DCAF6: variants seen among roughly 807,000 people sequenced by gnomAD.
The protein encoded by DCAF6 is DDB1- and CUL4-associated factor 6.
Under a neutral mutation model 125.1 loss-of-function variants are expected in DCAF6, and 54 were observed. The observed-to-expected ratio is 0.43, with a 90% CI of 0.35 to 0.54. The LOEUF is 0.54. DCAF6 is among the 20% of genes least tolerant of loss of function. The probability of loss-of-function intolerance (pLI) is 0.01; values close to 1 mark genes in which losing one functional copy is unlikely to be tolerated. For missense variants in DCAF6, 934 were observed against 1,161.7 expected (o/e 0.80, Z 2.85); for synonymous variants, 371 against 390.4 (o/e 0.95, Z 0.58).
At chr1:168,043,285 A>G in intron 14 of DCAF6, 145 bp downstream of exon 14, 2 of 636,696 alleles carry the variant, frequency 3.1e-6, no homozygotes, top group East Asian at 2.8e-5. Context: ...ACTGATAGAT[A>G]GCAAATCCAA....
the DCAF6 span, chr1:167,880,609 C>G: frequency 6.2e-7 from 1 of 1,607,786 alleles, no homozygotes; most frequent in African/African-American, 1.3e-5. Flanking sequence ...AAAGAGCAGC[C>G]CTGTGAGGGA....
chr1:167,918,400 T>C, the DCAF6 span: 10 of 1,298,616 alleles, frequency 7.7e-6, no homozygotes, highest in Admixed American at 1.9e-5. Context: ...TCAATAATAA[T>C]AGACAAATTT....
chr1:167,951,690 A>G, intron 1 of DCAF6, 110 bp from the exon 2 acceptor site: 4 of 687,884 alleles, frequency 5.8e-6, no homozygotes, highest in Non-Finnish European at 1.0e-5. Flanking sequence ...TGGAGCTGAA[A>G]TTAGAGCATG....
intron 3 of DCAF6, chr1:167,969,377 A>G (rs1482500976): frequency 2.0e-5 from 3 of 152,180 alleles, no homozygotes; most frequent in Non-Finnish European, 2.9e-5. Context: ...TTCATGATAT[A>G]CAATTCGATA....
chr1:167,939,566 G>A (rs774285503), intron 1 of DCAF6, among the ~76,000 whole-genome samples: 19 of 152,086 alleles, frequency 1.2e-4, no homozygotes, highest in Non-Finnish European at 1.5e-4. Context: ...GTTTGAGACC[G>A]GCCTGGCCAA....
At chr1:167,948,532 G>A (rs893926724) in intron 1 of DCAF6, among the ~76,000 whole-genome samples, 12 of 152,136 alleles carry the variant, frequency 7.9e-5, no homozygotes, top group Admixed American at 3.9e-4. Context: ...AAAGGAGATA[G>A]GTATGTGAAT....
At chr1:167,949,482 G>A (rs558556775) in intron 1 of DCAF6, among the ~76,000 whole-genome samples, 1 of 152,174 alleles carries the variant, frequency 6.6e-6, no homozygotes, top group Admixed American at 6.6e-5. Context: ...GGTCGGGCAG[G>A]TTTGCTTGAT....
chr1:167,963,941 A>G (rs186416760), intron 2 of DCAF6, among the ~76,000 whole-genome samples: 67 of 152,284 alleles, frequency 4.4e-4, no homozygotes, highest in African/African-American at 1.5e-3. Context: ...TCCATCTTAT[A>G]CCTTGTACTA....
rs1274403472 is a variant in DCAF6 at position 168,075,384 on chromosome 1, T to C, written c.2805T>C (p.Gly935=). 1 of 1,604,032 alleles carries C rather than the reference T, an allele frequency of 6.2e-7. No homozygotes were observed. The highest frequency in any genetic ancestry group is 8.5e-7 in the Non-Finnish European group (1 of 1,177,814). Residue 935 remains glycine (G), a synonymous_variant, in exon 22 of 22, where the codon GGT becomes GGC. Coordinates refer to ENST00000367840, the MANE Select transcript of DCAF6 (RefSeq NM_001198956.2). ...CTGTGTTTCCAGACCGGTTGGAGGG[T>C]GACAGATCAGAAGGCTCTGGTCAAG... ...LNHIRADRLE[G]DRSEGSGQEN... is the part of the protein sequence containing the mutation.
the DCAF6 span, among the ~76,000 whole-genome samples, chr1:167,925,678 C>T: frequency 2.0e-5 from 3 of 151,234 alleles, no homozygotes; most frequent in Non-Finnish European, 4.4e-5. Flanking sequence ...TCCCAAGTAG[C>T]TGGGATTACA....
the DCAF6 span, among the ~76,000 whole-genome samples, chr1:167,882,707 G>A: frequency 1.4e-5 from 1 of 73,632 alleles, no homozygotes; most frequent in Non-Finnish European, 2.8e-5. Flanking sequence ...TGTAGTGAGA[G>A]GTAGCCCAGC....
intron 21 of DCAF6, among the ~76,000 whole-genome samples, chr1:168,073,740 T>C (rs1285383105): frequency 6.6e-6 from 1 of 151,984 alleles, no homozygotes; most frequent in African/African-American, 2.4e-5. Context: ...TATTCAGTCA[T>C]ACTCAGGATT....
the DCAF6 span, among the ~76,000 whole-genome samples, chr1:167,908,135 G>T: frequency 4.5e-3 from 687 of 152,256 alleles, 8 homozygotes; most frequent in East Asian, 0.056. Context: ...CAATAGCCAA[G>T]ATATGGAACC....
At chr1:167,933,202 T>C (rs562374529), upstream of DCAF6, among the ~76,000 whole-genome samples, 1 of 149,472 alleles carries the variant, frequency 6.7e-6, no homozygotes, top group African/African-American at 2.5e-5. Flanking sequence ...AGAACCTCGC[T>C]CTGTTGCCAG....
At chr1:168,028,415 A>C (rs1302425541) in intron 12 of DCAF6, among the ~76,000 whole-genome samples, 1 of 152,188 alleles carries the variant, frequency 6.6e-6, no homozygotes, top group South Asian at 2.1e-4. Flanking sequence ...GTTGCTTTCT[A>C]TTCCTTACAG....
At chr1:167,873,594 T>C in the DCAF6 span, among the ~76,000 whole-genome samples, 1 of 152,216 alleles carries the variant, frequency 6.6e-6, no homozygotes, top group Non-Finnish European at 1.5e-5. Context: ...GTCTCTTCTC[T>C]TATAGGTATA....
intron 6 of DCAF6, among the ~76,000 whole-genome samples, chr1:167,991,827 C>G (rs1053384343): frequency 2.0e-5 from 3 of 152,118 alleles, no homozygotes; most frequent in Non-Finnish European, 4.4e-5. Flanking sequence ...ACATTTTCCT[C>G]TTAGGGCACT....
chr1:168,053,204 C>T (rs960673901), intron 17 of DCAF6, among the ~76,000 whole-genome samples: 1 of 152,110 alleles, frequency 6.6e-6, no homozygotes, highest in Non-Finnish European at 1.5e-5. Context: ...TTATATATAC[C>T]TACTGTACTA....
chr1:167,922,810 G>C, the DCAF6 span, among the ~76,000 whole-genome samples: 1 of 152,042 alleles, frequency 6.6e-6, no homozygotes, highest in Non-Finnish European at 1.5e-5. Flanking sequence ...CATTTTAAAA[G>C]TACATTTAAG....
Sources: gnomAD v4.1 joint callset for allele counts (sites outside exome capture counted in the v4.1 genomes callset) on GRCh38, gnomAD v4.1.1 for gene constraint, MANE v1.5 for transcripts, NCBI Gene and HGNC (gene_info 2026-07-23, HGNC 2026-07-21) for gene names.